Variants in EHD3 observed in about 807,000 individuals in gnomAD.
EHD3 encodes EH domain-containing protein 3.
In EHD3, 17 loss-of-function variants were observed where a neutral mutation model predicts 43.0. The ratio of observed to expected loss-of-function variants is 0.40; its 90% CI spans 0.27 to 0.59. EHD3 has a LOEUF of 0.59. EHD3 is among the 20% of genes least tolerant of loss of function. EHD3 has a pLI of 0.49. For synonymous variants in EHD3, 313 were observed against 289.5 expected (o/e 1.08, Z -0.82); for missense variants, 594 against 705.6 (o/e 0.84, Z 1.79).
chr2:31,249,648 G>A (rs1042403894), intron 3 of EHD3, among the ~76,000 whole-genome samples, 180 bp downstream of exon 3: 1 of 152,138 alleles, frequency 6.6e-6, no homozygotes, highest in Admixed American at 6.6e-5. Flanking sequence ...GGCAGGGGTC[G>A]GGAGAGGGGA....
rs1294795191 is a variant in EHD3 at position 31,260,690 on chromosome 2, A to G, written c.683A>G (p.Gln228Arg). 1 of 1,614,108 alleles carries G rather than the reference A, an allele frequency of 6.2e-7. No individual in the cohort carries two copies. The highest frequency in any genetic ancestry group is 8.5e-7 in the Non-Finnish European group (1 of 1,180,054). ...LNKADQIETQ[Q>R]LMRVYGALMW... The stretch of plus-strand genomic sequence containing the variant: ...AAAGCTGACCAGATCGAGACGCAGC[A>G]GCTGATGCGGGTGTACGGGGCCCTC... Residue 228 changes from glutamine (Q) to arginine (R), a missense_variant, in exon 4 of 6, where the codon CAG (glutamine) becomes CGG (arginine). Physicochemically the swap from Gln to Arg is conservative, Grantham distance 43 (BLOSUM62 1). Transcript: ENST00000322054. The surrounding 1 kb of genome is among the most constrained non-coding windows in gnomAD (Gnocchi z 4.6).
At chr2:31,255,904 C>T (rs1344511622) in intron 3 of EHD3, among the ~76,000 whole-genome samples, 1 of 152,216 alleles carries the variant, frequency 6.6e-6, no homozygotes, top group African/African-American at 2.4e-5. Context: ...GCCTGTAAGA[C>T]AGCAGCCTGC....
intron 5 of EHD3, among the ~76,000 whole-genome samples, chr2:31,262,127 C>T (rs1258139617): frequency 2.0e-5 from 3 of 152,168 alleles, no homozygotes; most frequent in South Asian, 2.1e-4. Flanking sequence ...ATCTGGGACA[C>T]GAGCTTCGGG....
chr2:31,248,656 C>T (rs1683574998), intron 2 of EHD3, among the ~76,000 whole-genome samples: 3 of 152,198 alleles, frequency 2.0e-5, no homozygotes, highest in Non-Finnish European at 1.5e-5. Flanking sequence ...TCTGGCCTGG[C>T]TCCTGGGAGT....
chr2:31,235,819 C>T (rs1333295421), intron 1 of EHD3, among the ~76,000 whole-genome samples: 1 of 152,350 alleles, frequency 6.6e-6, no homozygotes, highest in East Asian at 1.9e-4. Context: ...ACAGGCTTCA[C>T]TCCAGTCCTC....
intron 5 of EHD3, among the ~76,000 whole-genome samples, chr2:31,264,260 G>GT (rs1233594749): frequency 6.6e-6 from 1 of 152,180 alleles, no homozygotes; most frequent in Non-Finnish European, 1.5e-5. Flanking sequence ...ATGTATTTGT[G>GT]TATCTAAACA....
intron 3 of EHD3, among the ~76,000 whole-genome samples, chr2:31,259,936 C>T (rs1683819231): frequency 6.6e-6 from 1 of 152,140 alleles, no homozygotes. Context: ...GGCGGTGGCT[C>T]ACACCTATAA....
chr2:31,240,302 T>A (rs1292234329), intron 1 of EHD3, among the ~76,000 whole-genome samples: 4 of 152,206 alleles, frequency 2.6e-5, no homozygotes, highest in Admixed American at 2.0e-4. Context: ...AATTAACTTT[T>A]CTTTTTTCAC....
rs1394301602 is a variant in EHD3, at chr2:31,243,426, T to TTCGA, written c.228-846_228-845insGATC. 5.0e-5 allele frequency among the ~76,000 whole-genome samples: 5 copies of TTCGA among 100,872 alleles called. No individual in the cohort carries two copies. The East Asian group carries it at 1.6e-3, about 33-fold the overall frequency. The allele number at this position is 100,872 out of a possible 152,430, so 66.2% of individuals were successfully genotyped here. On this transcript the variant is annotated intron_variant, in intron 1 of 5. Transcript: ENST00000322054. ...GGATAGGATGGAGATTCATTTTTCTTTCTTTCTTTCTTTCTTTCTTTCTTT... is the reference window on the plus strand; with the variant it reads ...GGATAGGATGGAGATTCATTTTTCTTTCGATCTTTCTTTCTTTCTTTCTTTCTTT...
At chr2:31,242,209 TG>T (rs1485997857) in intron 1 of EHD3, among the ~76,000 whole-genome samples, 95 of 152,368 alleles carry the variant, frequency 6.2e-4, no homozygotes, top group African/African-American at 2.3e-3. Flanking sequence ...GAGGAAGCCC[TG>T]GCAAGCCTCC....
At chr2:31,240,948 T>G (rs1453462969) in intron 1 of EHD3, among the ~76,000 whole-genome samples, 2 of 152,186 alleles carry the variant, frequency 1.3e-5, no homozygotes, top group South Asian at 2.1e-4. Context: ...CAGGCAAAGA[T>G]AGATGGGGTT....
At chr2:31,261,819 G>T in intron 5 of EHD3, 106 bp downstream of exon 5, 10 of 1,370,678 alleles carry the variant, frequency 7.3e-6, no homozygotes, top group East Asian at 4.7e-5. Context: ...GGAGAACCCC[G>T]CCCAGAATCT....
Position 31,267,429 on chromosome 2 carries a change from G to C in EHD3, c.*725G>C, listed in dbSNP as rs992403141. On this transcript the variant is annotated 3_prime_UTR_variant, in exon 6 of 6. Coordinates refer to ENST00000322054, the MANE Select transcript of EHD3 (RefSeq NM_014600.3). ...CCAGTCAAGGTGGTTTTAGTTCATAGATTTTGTTAGATGTTCTTTCCACCT... is the reference window on the plus strand; with the variant it reads ...CCAGTCAAGGTGGTTTTAGTTCATACATTTTGTTAGATGTTCTTTCCACCT... 29 of 152,668 alleles carry C rather than the reference G, an allele frequency of 1.9e-4. No homozygotes were observed. Among genetic ancestry groups the C allele is most frequent in the African/African-American group, 6.5e-4 (27 of 41,572 alleles). 9.5% of individuals were successfully genotyped at this position (152,668 alleles called of 1,614,324 possible). A position where few individuals can be genotyped will look rare whatever the true frequency, so the allele number is the denominator to read the frequency against.
chr2:31,267,605 T>C lies in EHD3; in HGVS notation c.*901T>C, dbSNP rs896648891. The C allele has an allele frequency of 6.6e-6, 1 of 152,610 alleles. No homozygotes were observed. The highest frequency in any genetic ancestry group is 2.4e-5 in the African/African-American group (1 of 41,450). 9.5% of individuals were successfully genotyped at this position (152,610 alleles called of 1,614,324 possible). On this transcript the variant is annotated 3_prime_UTR_variant, in exon 6 of 6. Transcript: ENST00000322054. ...ATGCATTAGCCTTCCCATTTTGCAG[T>C]TGAGGAGGCTGAGTAGCCTCAGAAG...
chr2:31,256,866 C>A (rs895604823), intron 3 of EHD3, among the ~76,000 whole-genome samples: 1 of 152,208 alleles, frequency 6.6e-6, no homozygotes, highest in Non-Finnish European at 1.5e-5. Flanking sequence ...TGGCTCTGAC[C>A]CCCAGCATTG....
At chr2:31,255,248 G>A (rs1242514238) in intron 3 of EHD3, among the ~76,000 whole-genome samples, 1 of 152,186 alleles carries the variant, frequency 6.6e-6, no homozygotes, top group Admixed American at 6.5e-5. Flanking sequence ...CGACTCACTA[G>A]TCCATATTTC....
At position 31,260,892 on chromosome 2, in the gene EHD3, C is replaced by T. The variant is rs199750636; in HGVS notation, c.885C>T (p.Asn295=). The T allele has an allele frequency of 5.8e-5, 93 of 1,612,470 alleles. 1 individual carries two copies. Among genetic ancestry groups the T allele is most frequent in the Non-Finnish European group, 7.2e-5 (85 of 1,179,170 alleles). Residue 295 remains asparagine (N), a synonymous_variant, in exon 4 of 6, where the codon AAC becomes AAT. Coordinates refer to ENST00000322054, the MANE Select transcript of EHD3 (RefSeq NM_014600.3). This position sits in a 1 kb window ranked among gnomAD's most constrained non-coding sequence, Gnocchi z 4.6. ...GAAATGCTGCCCTGCGCAAGCTCAA[C>T]GACCTCATCAAAAGGGCCAGGCTGG... The part of the protein sequence containing the change: ...LPRNAALRKL[N]DLIKRARLAK...
At chr2:31,238,297 A>C (rs1364442665) in intron 1 of EHD3, among the ~76,000 whole-genome samples, 2 of 152,096 alleles carry the variant, frequency 1.3e-5, no homozygotes, top group Non-Finnish European at 2.9e-5. Flanking sequence ...TGAACCTGTG[A>C]GGGGCCTTTT....
rs149061496 is a variant in EHD3, at chr2:31,255,583, G to A, written c.503-4927G>A. The stretch of plus-strand genomic sequence containing the variant: ...GTCCAGTCCATACCTTTGAGATACC[G>A]CCATTCCTAGATCTGCACCTAAGTC... On this transcript the variant is annotated intron_variant, in intron 3 of 5. Transcript: ENST00000322054. 1.6e-3 allele frequency among the ~76,000 whole-genome samples: 237 copies of A among 152,138 alleles called. 1 individual carries two copies. The highest frequency in any genetic ancestry group is 5.3e-3 in the African/African-American group (222 of 41,498).
Sources: gnomAD v4.1 joint callset for allele counts (sites outside exome capture counted in the v4.1 genomes callset) on GRCh38, gnomAD v4.1.1 for gene constraint, Gnocchi (gnomAD v3.1) non-coding constraint, MANE v1.5 for transcripts, NCBI Gene and HGNC (gene_info 2026-07-23, HGNC 2026-07-21) for gene names.